EVL: variants seen among roughly 807,000 people sequenced by gnomAD.
EVL encodes ena/VASP-like protein.
EVL carries 21 observed loss-of-function variants against 59.6 expected under a neutral mutation model. That is an observed-to-expected ratio of 0.35 (90% CI 0.25 to 0.51). The LOEUF (loss-of-function observed/expected upper bound fraction) is 0.51, where lower values mean the gene tolerates loss of function less well. Ranked by LOEUF, EVL falls within the 20% of genes least tolerant of loss-of-function variation. EVL has a pLI of 0.97. For synonymous variants in EVL, 198 were observed against 203.5 expected (o/e 0.97, Z 0.23); for missense variants, 462 against 546.6 (o/e 0.85, Z 1.54).
chr14:99,990,394 A>T (rs1297409878), intron 1 of EVL, among the ~76,000 whole-genome samples: 2 of 152,216 alleles, frequency 1.3e-5, no homozygotes, highest in Non-Finnish European at 2.9e-5. Context: ...TTAAGTGTAC[A>T]GTTCATTAGC....
At chr14:100,022,191 A>G (rs2061136965) in intron 1 of EVL, among the ~76,000 whole-genome samples, 1 of 151,938 alleles carries the variant, frequency 6.6e-6, no homozygotes, top group South Asian at 2.1e-4. Context: ...CAGGTTATCC[A>G]CACGTGCCTG....
intron 1 of EVL, among the ~76,000 whole-genome samples, chr14:99,981,995 A>G (rs193209978): frequency 1.1e-3 from 173 of 152,310 alleles, no homozygotes; most frequent in Non-Finnish European, 2.0e-3. Flanking sequence ...ACTCAGGGGA[A>G]AGCACTTCCA....
chr14:100,009,656 A>G (rs1460569379), intron 1 of EVL, among the ~76,000 whole-genome samples: 1 of 152,244 alleles, frequency 6.6e-6, no homozygotes, highest in Non-Finnish European at 1.5e-5. Context: ...ATGAAGAGTC[A>G]AACTGTAAAA....
At chr14:99,994,248 A>T (rs1210669106) in intron 1 of EVL, among the ~76,000 whole-genome samples, 3 of 148,530 alleles carry the variant, frequency 2.0e-5, no homozygotes, top group Non-Finnish European at 4.4e-5. Flanking sequence ...TTTTAATTGG[A>T]CTTTAATCCA....
At chr14:100,000,625 G>T (rs2060940791) in intron 1 of EVL, among the ~76,000 whole-genome samples, 1 of 152,160 alleles carries the variant, frequency 6.6e-6, no homozygotes, top group Non-Finnish European at 1.5e-5. Context: ...GGGATTACAA[G>T]CATGAGCTGT....
Position 100,143,828 on chromosome 14 carries a change from G to C in EVL, c.*90G>C. Reference sequence around the variant, plus strand: ...GCCAGCCCCAGACTCCAGTGCACCAGAGCACGCACAGGAGCCTGGGCGCGC... The same window carrying C: ...GCCAGCCCCAGACTCCAGTGCACCACAGCACGCACAGGAGCCTGGGCGCGC... On this transcript the variant is annotated 3_prime_UTR_variant, in exon 14 of 14. Coordinates refer to ENST00000392920, the MANE Select transcript of EVL (RefSeq NM_016337.3). The C allele has an allele frequency of 1.3e-6, 2 of 1,499,322 alleles. No individual in the cohort carries two copies. The highest frequency in any genetic ancestry group is 1.8e-6 in the Non-Finnish European group (2 of 1,097,152). 92.9% of individuals were successfully genotyped at this position (1,499,322 alleles called of 1,614,324 possible).
intron 1 of EVL, among the ~76,000 whole-genome samples, chr14:100,044,583 C>G (rs1334374573): frequency 6.6e-6 from 1 of 152,096 alleles, no homozygotes; most frequent in Non-Finnish European, 1.5e-5. Flanking sequence ...AAAGACAGAC[C>G]TGGAAATAGA....
chr14:99,993,883 G>A (rs138319286), intron 1 of EVL, among the ~76,000 whole-genome samples: 4,018 of 150,956 alleles, frequency 0.027, 78 homozygotes, highest in Non-Finnish European at 0.041. Flanking sequence ...TAGTAGAGAC[G>A]GAGTTTCACC....
chr14:100,084,887 A>C, intron 2 of EVL, 32 bp downstream of exon 2: 1 of 1,610,082 alleles, frequency 6.2e-7, no homozygotes. Context: ...TATACCCGTG[A>C]GCCTGCGCAC....
Position 99,972,073 on chromosome 14 carries a change from C to G in EVL, c.5+16C>G. ...CGACAATGAGGTGAGTCGGGGCCGG[C>G]GCCTCGTGGGAGGTGGCAGCGGCCA... On this transcript the variant is annotated intron_variant, in intron 1 of 13. Transcript: ENST00000402714. The surrounding 1 kb of genome is among the most constrained non-coding windows in gnomAD (Gnocchi z 4.4). 3.2e-6 allele frequency: 1 copy of G among 310,798 alleles called. No homozygotes were observed. The highest frequency in any genetic ancestry group is 5.9e-6 in the Non-Finnish European group (1 of 169,870). The allele number at this position is 310,798 out of a possible 1,614,324, so 19.3% of individuals were successfully genotyped here. A position where few individuals can be genotyped will look rare whatever the true frequency, so the allele number is the denominator to read the frequency against.
chr14:100,049,837 A>C (rs962536087), intron 1 of EVL, among the ~76,000 whole-genome samples: 1 of 152,002 alleles, frequency 6.6e-6, no homozygotes, highest in Non-Finnish European at 1.5e-5. Flanking sequence ...GGCAACCCCA[A>C]TCTACTTTTT....
chr14:100,067,428 G>A (rs1243363026), intron 1 of EVL, among the ~76,000 whole-genome samples: 2 of 152,212 alleles, frequency 1.3e-5, no homozygotes, highest in African/African-American at 4.8e-5. Flanking sequence ...CGTACAGAAT[G>A]CTTTCACTGA....
rs569449821 is a variant in EVL, at chr14:100,109,199, G to A, written c.358+11541G>A. On this transcript the variant is annotated intron_variant, in intron 3 of 13. Transcript: ENST00000392920. The surrounding 1 kb of genome is among the most constrained non-coding windows in gnomAD (Gnocchi z 4.3). ...CTCTCTCCCCTGAAGTGTTGTAATG[G>A]GGTTGTAACCCATCCACCTTCTCTT... 1.6e-4 allele frequency among the ~76,000 whole-genome samples: 24 copies of A among 152,314 alleles called. 1 individual carries two copies. In the South Asian group the frequency reaches 4.3e-3, roughly 28 times the overall value.
chr14:100,056,062 G>A (rs774088182), intron 1 of EVL, among the ~76,000 whole-genome samples: 2 of 151,988 alleles, frequency 1.3e-5, no homozygotes, highest in African/African-American at 2.4e-5. Flanking sequence ...CGCCCACCTC[G>A]GCCTCCCAAA....
At chr14:100,107,241 G>A (rs1021657271) in intron 3 of EVL, 3 of 398,582 alleles carry the variant, frequency 7.5e-6, no homozygotes, top group Admixed American at 8.8e-5. Flanking sequence ...CATTACTCCA[G>A]GAGAGCAGGG....
At chr14:100,088,382 A>G (rs2062492298) in intron 2 of EVL, among the ~76,000 whole-genome samples, 1 of 152,146 alleles carries the variant, frequency 6.6e-6, no homozygotes, top group Admixed American at 6.5e-5. Flanking sequence ...ACAGTCATGC[A>G]CCTCTTAATG....
intron 1 of EVL, among the ~76,000 whole-genome samples, chr14:100,036,129 A>G (rs971104214): frequency 1.3e-5 from 2 of 152,224 alleles, no homozygotes; most frequent in Admixed American, 6.5e-5. Flanking sequence ...TCATAGGACC[A>G]GAAACCCTAC....
At chr14:100,025,401 C>G (rs903912687) in intron 1 of EVL, among the ~76,000 whole-genome samples, 1 of 152,204 alleles carries the variant, frequency 6.6e-6, no homozygotes, top group Non-Finnish European at 1.5e-5. Flanking sequence ...TGCTCTGCCC[C>G]CAGGTGGCCA....
intron 2 of EVL, among the ~76,000 whole-genome samples, chr14:100,091,422 T>C (rs8013406): frequency 0.077 from 11,649 of 152,266 alleles, 724 homozygotes; most frequent in East Asian, 0.18. Flanking sequence ...ATACCCTTTT[T>C]ATCCAATCAC....
Sources: allele counts gnomAD v4.1 joint callset (sites outside exome capture counted in the v4.1 genomes callset), GRCh38; gene constraint gnomAD v4.1.1; non-coding constraint Gnocchi (gnomAD v3.1); transcripts MANE v1.5; gene names NCBI Gene and HGNC (gene_info 2026-07-23, HGNC 2026-07-21).